FGF14: variants seen among roughly 807,000 people sequenced by gnomAD.
FGF14 encodes the protein fibroblast growth factor 14.
In FGF14, 5 loss-of-function variants were observed where a neutral mutation model predicts 25.5. That is an observed-to-expected ratio of 0.20 (90% CI 0.10 to 0.41). The LOEUF (loss-of-function observed/expected upper bound fraction) is 0.41. Among genes scored for constraint, FGF14 ranks in the 10% least tolerant of loss-of-function variants. FGF14 has a pLI of 1.00. For synonymous variants in FGF14, 138 were observed against 118.3 expected (o/e 1.17, Z -1.08); for missense variants, 222 against 320.1 (o/e 0.69, Z 2.34).
At chr13:102,230,582 G>C (rs1031184182) in intron 1 of FGF14, among the ~76,000 whole-genome samples, 1 of 152,154 alleles carries the variant, frequency 6.6e-6, no homozygotes, top group Non-Finnish European at 1.5e-5. Flanking sequence ...GACTCCAGGG[G>C]ACTTTGCAGG....
At chr13:102,087,014 G>A (rs2390698) in intron 1 of FGF14, among the ~76,000 whole-genome samples, 59,229 of 152,068 alleles carry the variant, frequency 0.39, 13,555 homozygotes, top group Non-Finnish European at 0.51. Flanking sequence ...TATGAGCCTG[G>A]CTTGTAGCAT....
chr13:101,887,591 G>T (rs9300699), intron 1 of FGF14, among the ~76,000 whole-genome samples: 41,398 of 151,740 alleles, frequency 0.27, 5,856 homozygotes, highest in East Asian at 0.41. Context: ...GGAAGGAGTA[G>T]GGGTAAATAA....
chr13:102,251,822 A>G (rs565003883), intron 1 of FGF14, among the ~76,000 whole-genome samples: 1 of 152,222 alleles, frequency 6.6e-6, no homozygotes, highest in Admixed American at 6.5e-5. Context: ...TCCTTCCACC[A>G]AGCCTCATCC....
chr13:102,092,379 CA>C (rs1351583980), intron 1 of FGF14, among the ~76,000 whole-genome samples: 1 of 152,050 alleles, frequency 6.6e-6, no homozygotes, highest in Admixed American at 6.6e-5. Context: ...TACGGGTGAC[CA>C]AAACTGTGCC....
chr13:102,282,496 C>A (rs972841790), intron 1 of FGF14, among the ~76,000 whole-genome samples: 1 of 152,116 alleles, frequency 6.6e-6, no homozygotes, highest in Non-Finnish European at 1.5e-5. Flanking sequence ...ATATCTTTAT[C>A]TCCATAATAC....
chr13:102,366,164 T>C (rs901476054), intron 1 of FGF14, among the ~76,000 whole-genome samples: 1 of 152,142 alleles, frequency 6.6e-6, no homozygotes, highest in Non-Finnish European at 1.5e-5. Context: ...AGAAATTGTA[T>C]CCTGCTGCCT....
At chr13:102,080,974 T>C (rs1458540236) in intron 1 of FGF14, among the ~76,000 whole-genome samples, 1 of 152,246 alleles carries the variant, frequency 6.6e-6, no homozygotes, top group African/African-American at 2.4e-5. Context: ...CAATGACCCA[T>C]TCCTTTGCAT....
intron 1 of FGF14, among the ~76,000 whole-genome samples, chr13:102,104,490 A>G (rs1408146720): frequency 6.6e-6 from 1 of 152,208 alleles, no homozygotes; most frequent in Non-Finnish European, 1.5e-5. Context: ...AGGTATTTGC[A>G]TTCTACAAGG....
At chr13:102,181,980 GA>G (rs2048693890) in intron 1 of FGF14, among the ~76,000 whole-genome samples, 1 of 152,112 alleles carries the variant, frequency 6.6e-6, no homozygotes, top group South Asian at 2.1e-4. Flanking sequence ...TTAGACTCCA[GA>G]ACTGTGAAAA....
At chr13:102,194,471 G>A (rs998645862) in intron 1 of FGF14, among the ~76,000 whole-genome samples, 3 of 151,816 alleles carry the variant, frequency 2.0e-5, no homozygotes, top group African/African-American at 7.3e-5. Context: ...TTGTTCCCCT[G>A]CTAGGGAGAC....
At chr13:101,848,183 A>G (rs1455270635) in intron 3 of FGF14, among the ~76,000 whole-genome samples, 1 of 152,062 alleles carries the variant, frequency 6.6e-6, no homozygotes, top group Non-Finnish European at 1.5e-5. Flanking sequence ...TTTAATATGC[A>G]TAAATTTATA....
At chr13:101,998,775 CA>C (rs1345635308) in intron 1 of FGF14, among the ~76,000 whole-genome samples, 2 of 152,116 alleles carry the variant, frequency 1.3e-5, no homozygotes, top group Non-Finnish European at 2.9e-5. Flanking sequence ...GTTTGCATGC[CA>C]TCTCGGCTGT....
intron 1 of FGF14, among the ~76,000 whole-genome samples, chr13:102,109,681 C>T (rs190446661): frequency 4.6e-5 from 7 of 152,100 alleles, no homozygotes; most frequent in East Asian, 1.9e-4. Context: ...AGAGCAGTGG[C>T]GCGATTTTGG....
chr13:101,926,770 C>T (rs1300958209), intron 1 of FGF14, among the ~76,000 whole-genome samples: 2 of 152,154 alleles, frequency 1.3e-5, no homozygotes, highest in Non-Finnish European at 2.9e-5. Context: ...TTTCCCCATT[C>T]CACTTTCATT....
rs759007037 is a variant in FGF14 at position 101,726,599 on chromosome 13, G to GCATAATACTCAC, written c.607+1_607+12dup. 2.5e-6 allele frequency: 4 copies of GCATAATACTCAC among 1,610,112 alleles called. No individual in the cohort carries two copies. The East Asian group carries it at 8.9e-5, about 36-fold the overall frequency. ...ATAAGTCTATGTAATAATAATGCAT[G>GCATAATACTCAC]CATAATACTCACCTTCCAATGGCTT... On this transcript the variant is annotated intron_variant, in intron 4 of 4. Coordinates refer to ENST00000376143, the MANE Select transcript of FGF14 (RefSeq NM_004115.4).
Position 102,161,570 on chromosome 13 carries a change from A to AAAGAAGAAAGAAG in FGF14, c.208+239900_208+239901insCTTCTTTCTTCTT, listed in dbSNP as rs1555369389. Among the ~76,000 whole-genome samples, 5 of 5,652 alleles carry AAAGAAGAAAGAAG rather than the reference A, an allele frequency of 8.8e-4. 2 individuals carry two copies. Among genetic ancestry groups the AAAGAAGAAAGAAG allele is most frequent in the Non-Finnish European group, 7.2e-4 (3 of 4,184 alleles). 3.7% of individuals were successfully genotyped at this position (5,652 alleles called of 152,430 possible). The stretch of plus-strand genomic sequence containing the variant: ...TCTATGCAACCAACTTTCTGTGAAG[A>AAAGAAGAAAGAAG]AAGAAAGAAGAAGAAGAAGAAGAAG... On this transcript the variant is annotated intron_variant, in intron 1 of 4. Transcript: ENST00000376131.
At chr13:102,383,814 C>T (rs2139189188) in intron 1 of FGF14, among the ~76,000 whole-genome samples, 1 of 151,962 alleles carries the variant, frequency 6.6e-6, no homozygotes, top group African/African-American at 2.4e-5. Context: ...ACCCATGGGG[C>T]CAAGCGCACT....
At chr13:102,275,262 T>TTCTCTCTCTCTCTCTCTCTCTC (rs56028235) in intron 1 of FGF14, among the ~76,000 whole-genome samples, 49 of 68,982 alleles carry the variant, frequency 7.1e-4, no homozygotes, top group African/African-American at 2.2e-3. Context: ...CTCTCTCTCT[T>TTCTCTCTCTCTCTCTCTCTCTC]TCTCTCTCTC....
At chr13:101,830,370 T>C (rs73557492) in intron 3 of FGF14, among the ~76,000 whole-genome samples, 2,033 of 152,162 alleles carry the variant, frequency 0.013, 58 homozygotes, top group African/African-American at 0.046. Context: ...AGATGTTCTA[T>C]CATTTGCCAA....
Sources: gnomAD v4.1 joint callset for allele counts (sites outside exome capture counted in the v4.1 genomes callset) on GRCh38, gnomAD v4.1.1 for gene constraint, MANE v1.5 for transcripts, NCBI Gene and HGNC (gene_info 2026-07-23, HGNC 2026-07-21) for gene names.